Variants in GRIK2 observed in about 807,000 individuals in gnomAD.
GRIK2 encodes the protein glutamate receptor ionotropic, kainate 2.
In GRIK2, 32 loss-of-function variants were observed where a neutral mutation model predicts 100.3. The observed-to-expected ratio is 0.32, with a 90% CI of 0.24 to 0.43. The LOEUF (loss-of-function observed/expected upper bound fraction) is 0.43, where lower values mean the gene tolerates loss of function less well. Among genes scored for constraint, GRIK2 ranks in the 20% least tolerant of loss-of-function variants. The pLI is 1.00. For synonymous variants in GRIK2, 417 were observed against 389.4 expected, an observed-to-expected ratio of 1.07 and a Z score of -0.83; for missense variants, 843 against 1,114.9, an observed-to-expected ratio of 0.76 and a Z score of 3.47.
At chr6:101,563,717 G>A (rs1777128953) in intron 2 of GRIK2, among the ~76,000 whole-genome samples, 1 of 151,964 alleles carries the variant, frequency 6.6e-6, no homozygotes, top group Non-Finnish European at 1.5e-5. Context: ...TGGAATAATA[G>A]GACTATCTAA....
intron 12 of GRIK2, among the ~76,000 whole-genome samples, chr6:101,908,967 AGAGGACTG>A (rs1788440386): frequency 6.6e-6 from 1 of 151,282 alleles, no homozygotes; most frequent in Non-Finnish European, 1.5e-5. Context: ...CAAAGGTGCA[AGAGGACTG>A]GAAATAGGGC....
At chr6:101,785,085 G>C (rs1779339872) in intron 7 of GRIK2, among the ~76,000 whole-genome samples, 2 of 152,030 alleles carry the variant, frequency 1.3e-5, no homozygotes, top group Non-Finnish European at 2.9e-5. Context: ...TCTGTTGTCT[G>C]TTTTTATGTC....
intron 7 of GRIK2, among the ~76,000 whole-genome samples, chr6:101,695,479 TA>T (rs1772416852): frequency 6.6e-6 from 1 of 152,182 alleles, no homozygotes; most frequent in Non-Finnish European, 1.5e-5. Flanking sequence ...TTGTGAATAG[TA>T]AGCAATATTC....
At chr6:101,662,951 T>C (rs1769738916) in intron 4 of GRIK2, among the ~76,000 whole-genome samples, 1 of 152,144 alleles carries the variant, frequency 6.6e-6, no homozygotes, top group African/African-American at 2.4e-5. Context: ...TAAGATAACA[T>C]GTATGTTCAA....
At chr6:101,568,642 C>G (rs1777393030) in intron 2 of GRIK2, among the ~76,000 whole-genome samples, 1 of 151,992 alleles carries the variant, frequency 6.6e-6, no homozygotes, top group Non-Finnish European at 1.5e-5. Context: ...ATTTTAAACT[C>G]TTGGTAATCT....
At chr6:101,464,977 C>T (rs1771566114) in intron 2 of GRIK2, among the ~76,000 whole-genome samples, 1 of 152,148 alleles carries the variant, frequency 6.6e-6, no homozygotes, top group Non-Finnish European at 1.5e-5. Context: ...GACTCCTGAG[C>T]TCTTCCTTCA....
intron 2 of GRIK2, among the ~76,000 whole-genome samples, chr6:101,504,788 G>A (rs1016041158): frequency 1.3e-5 from 2 of 151,976 alleles, no homozygotes. Context: ...AAGTTGCCCA[G>A]AATTTATGTA....
chr6:101,636,151 A>G (rs1450868992), intron 4 of GRIK2, among the ~76,000 whole-genome samples: 1 of 152,188 alleles, frequency 6.6e-6, no homozygotes, highest in African/African-American at 2.4e-5. Flanking sequence ...CATATAAACT[A>G]TGGAATGCTA....
intron 12 of GRIK2, among the ~76,000 whole-genome samples, chr6:101,909,171 C>T (rs894999692): frequency 6.6e-6 from 1 of 150,766 alleles, no homozygotes; most frequent in African/African-American, 2.4e-5. Flanking sequence ...ACCTCATAAT[C>T]AGTATAAAAG....
intron 9 of GRIK2, among the ~76,000 whole-genome samples, chr6:101,808,869 T>G (rs1237448392): frequency 6.6e-6 from 1 of 151,852 alleles, no homozygotes. Flanking sequence ...TGCCCCAGCG[T>G]AGGTTTGTAA....
chr6:101,975,219 G>A (rs928029537), intron 14 of GRIK2, among the ~76,000 whole-genome samples: 13 of 151,872 alleles, frequency 8.6e-5, no homozygotes, highest in African/African-American at 3.1e-4. Context: ...GAGATATCTA[G>A]TAAGAATATA....
intron 12 of GRIK2, among the ~76,000 whole-genome samples, chr6:101,921,733 T>TA (rs1789533689): frequency 6.6e-6 from 1 of 151,898 alleles, no homozygotes; most frequent in African/African-American, 2.4e-5. Context: ...GAATCGGAGA[T>TA]AAAAAGAATT....
At chr6:102,027,761 A>G (rs918826913) in intron 14 of GRIK2, among the ~76,000 whole-genome samples, 1 of 151,064 alleles carries the variant, frequency 6.6e-6, no homozygotes, top group African/African-American at 2.4e-5. Flanking sequence ...TGAGCATAAG[A>G]TGGTTTCTAA....
intron 4 of GRIK2, among the ~76,000 whole-genome samples, chr6:101,674,007 T>C (rs1010769710): frequency 2.0e-5 from 3 of 152,180 alleles, no homozygotes; most frequent in Non-Finnish European, 4.4e-5. Context: ...TAAATGAATA[T>C]TTTTTCTCTT....
intron 10 of GRIK2, among the ~76,000 whole-genome samples, chr6:101,821,668 T>C (rs1781957166): frequency 6.6e-6 from 1 of 152,102 alleles, no homozygotes; most frequent in Admixed American, 6.5e-5. Context: ...AAAAAATTCC[T>C]TTTTCTGAAT....
At chr6:101,563,339 C>A (rs920496016) in intron 2 of GRIK2, among the ~76,000 whole-genome samples, 4 of 152,110 alleles carry the variant, frequency 2.6e-5, no homozygotes, top group African/African-American at 9.7e-5. Context: ...TATTTTTTCA[C>A]TGAAAACATA....
intron 14 of GRIK2, among the ~76,000 whole-genome samples, chr6:101,971,249 T>C (rs1793032515): frequency 6.6e-6 from 1 of 152,048 alleles, no homozygotes; most frequent in Non-Finnish European, 1.5e-5. Context: ...ATTATTTAGT[T>C]TTACAACCAT....
rs1380806314 is a variant in GRIK2, at chr6:101,550,918, T to A, written c.116-71031T>A. On this transcript the variant is annotated intron_variant, in intron 2 of 16. Transcript: ENST00000369134. ...ATAAAATGAAAGCATTACTAAATAA[T>A]TTGGAAGCCATTTGGCATAGAATCA... Among the ~76,000 whole-genome samples the A allele has an allele frequency of 3.3e-5, 5 of 152,304 alleles. No individual in the cohort carries two copies. The East Asian group carries it at 7.7e-4, about 23-fold the overall frequency.
At chr6:101,965,274 C>G (rs1282559863) in intron 14 of GRIK2, among the ~76,000 whole-genome samples, 1 of 152,078 alleles carries the variant, frequency 6.6e-6, no homozygotes, top group Non-Finnish European at 1.5e-5. Context: ...GATAAAGTAC[C>G]AGGTGTATAG....
Sources: gnomAD v4.1 joint callset for allele counts (sites outside exome capture counted in the v4.1 genomes callset) on GRCh38, gnomAD v4.1.1 for gene constraint, MANE v1.5 for transcripts, NCBI Gene and HGNC (gene_info 2026-07-23, HGNC 2026-07-21) for gene names.